IQCH: variants seen among roughly 807,000 people sequenced by gnomAD.
The protein encoded by IQCH is IQ domain-containing protein H.
A neutral mutation model predicts 117.0 loss-of-function variants in IQCH; 98 were observed. The ratio of observed to expected loss-of-function variants is 0.84; its 90% CI spans 0.71 to 0.99. IQCH has a LOEUF of 0.99. Ranked by LOEUF, IQCH falls within the 50% of genes least tolerant of loss-of-function variation. The pLI is 0.00. For missense variants in IQCH, 1,102 were observed against 1,243.8 expected, an observed-to-expected ratio of 0.89 and a Z score of 1.72; for synonymous variants, 412 against 448.2, an observed-to-expected ratio of 0.92 and a Z score of 1.02.
intron 4 of IQCH, among the ~76,000 whole-genome samples, chr15:67,316,919 T>C (rs1050252625): frequency 1.3e-5 from 2 of 152,174 alleles, no homozygotes; most frequent in African/African-American, 4.8e-5. Context: ...ATTGCTTTCT[T>C]AATGACCAAG....
chr15:67,384,821 C>T lies in IQCH; in HGVS notation c.1373-115C>T. On this transcript the variant is annotated intron_variant, in intron 10 of 20. Transcript: ENST00000335894. The surrounding 1 kb of genome is among the most constrained non-coding windows in gnomAD (Gnocchi z 4.3). The stretch of plus-strand genomic sequence containing the variant: ...GGGATTGGGTTGTTTCTGTAAGATG[C>T]TTCAGAGAAAATTTTTTCCTGGAAA... 1.5e-6 allele frequency: 1 copy of T among 689,298 alleles called. No homozygotes were observed. The allele number at this position is 689,298 out of a possible 1,614,324, so 42.7% of individuals were successfully genotyped here. A position where few individuals can be genotyped will look rare whatever the true frequency, so the allele number is the denominator to read the frequency against.
At chr15:67,492,389 T>C (rs970103120) in intron 19 of IQCH, among the ~76,000 whole-genome samples, 11 of 151,998 alleles carry the variant, frequency 7.2e-5, no homozygotes, top group Non-Finnish European at 1.3e-4. Context: ...CTTTTGTACA[T>C]AGGATGAGGC....
At chr15:67,486,065 G>A (rs1189400865) in intron 18 of IQCH, among the ~76,000 whole-genome samples, 3 of 105,530 alleles carry the variant, frequency 2.8e-5, no homozygotes, top group Non-Finnish European at 5.4e-5. Flanking sequence ...TTTTGAGATA[G>A]AGTCTTGCAC....
At chr15:67,350,040 A>C (rs1313777789) in intron 6 of IQCH, among the ~76,000 whole-genome samples, 1 of 152,236 alleles carries the variant, frequency 6.6e-6, no homozygotes, top group East Asian at 1.9e-4. Flanking sequence ...CCCAAGATAA[A>C]TGAAAACATA....
chr15:67,279,070 T>G (rs940574641), intron 3 of IQCH, among the ~76,000 whole-genome samples: 11 of 152,188 alleles, frequency 7.2e-5, no homozygotes, highest in Admixed American at 3.9e-4. Flanking sequence ...TTAAACAAAA[T>G]ACAACATTAT....
At chr15:67,419,477 G>A (rs2081667931) in intron 15 of IQCH, among the ~76,000 whole-genome samples, 1 of 152,116 alleles carries the variant, frequency 6.6e-6, no homozygotes, top group African/African-American at 2.4e-5. Context: ...TCTCTCCAGT[G>A]TGCTTATGGC....
At chr15:67,347,971 G>A (rs1969482663) in intron 6 of IQCH, among the ~76,000 whole-genome samples, 2 of 150,592 alleles carry the variant, frequency 1.3e-5, no homozygotes, top group South Asian at 4.2e-4. Flanking sequence ...ATGCAAGGCT[G>A]TTTCAACATT....
chr15:67,327,857 C>T (rs1444927956), intron 4 of IQCH, among the ~76,000 whole-genome samples: 3 of 152,250 alleles, frequency 2.0e-5, no homozygotes, highest in African/African-American at 7.2e-5. Flanking sequence ...TTTGGAATCT[C>T]CTGTCCTTCT....
intron 4 of IQCH, 92 bp from the exon 5 acceptor site, chr15:67,336,883 A>C (rs1411936709): frequency 6.4e-6 from 8 of 1,248,896 alleles, no homozygotes; most frequent in Non-Finnish European, 9.0e-6. Context: ...AACTTAATGC[A>C]ACTATTCATA....
chr15:67,427,962 G>A lies in IQCH; in HGVS notation c.2505+6385G>A, dbSNP rs1454901616. Among the ~76,000 whole-genome samples, 1 of 151,848 alleles carries A rather than the reference G, an allele frequency of 6.6e-6. No individual in the cohort carries two copies. The highest frequency in any genetic ancestry group is 1.5e-5 in the Non-Finnish European group (1 of 68,004). ...TTGTGCCTTAGCCTCCTGAGTAGCT[G>A]GGATTACAGGCACACACCACACCTG... On this transcript the variant is annotated intron_variant, in intron 16 of 20. Coordinates refer to ENST00000335894, the MANE Select transcript of IQCH (RefSeq NM_001031715.3). The surrounding 1 kb of genome is among the most constrained non-coding windows in gnomAD (Gnocchi z 4.7).
intron 8 of IQCH, among the ~76,000 whole-genome samples, chr15:67,368,038 CAT>C (rs1970397441): frequency 6.6e-6 from 1 of 152,158 alleles, no homozygotes; most frequent in Non-Finnish European, 1.5e-5. Flanking sequence ...GTTCTTGACA[CAT>C]ACTGTAATCA....
intron 4 of IQCH, among the ~76,000 whole-genome samples, chr15:67,302,570 T>G (rs777229289): frequency 6.6e-6 from 1 of 152,052 alleles, no homozygotes; most frequent in African/African-American, 2.4e-5. Context: ...GTTTAAGAAA[T>G]GCTATTGGTC....
intron 4 of IQCH, chr15:67,306,757 C>CA: frequency 3.0e-6 from 3 of 985,186 alleles, no homozygotes; most frequent in Middle Eastern, 2.0e-4. Context: ...AAGTGAGACT[C>CA]ACTGGTGATT....
chr15:67,439,921 GAAACTA>G, intron 16 of IQCH, among the ~76,000 whole-genome samples: 1 of 148,046 alleles, frequency 6.8e-6, no homozygotes, highest in Non-Finnish European at 1.5e-5. Context: ...AACGATAAAT[GAAACTA>G]AAACTGGTTC....
chr15:67,494,834 A>G lies in IQCH; in HGVS notation c.2970+468A>G, dbSNP rs561290291. 4.6e-4 allele frequency among the ~76,000 whole-genome samples: 70 copies of G among 152,286 alleles called. No homozygotes were observed. The highest frequency in any genetic ancestry group is 1.6e-3 in the African/African-American group (68 of 41,562). Reference sequence around the variant, plus strand: ...GGGAGAAGCAGAAAATATAGCATGTATGTGGGCCATCTACCCCACCCGTTT... The same window carrying G: ...GGGAGAAGCAGAAAATATAGCATGTGTGTGGGCCATCTACCCCACCCGTTT... On this transcript the variant is annotated intron_variant, in intron 20 of 20. Coordinates refer to ENST00000335894, the MANE Select transcript of IQCH (RefSeq NM_001031715.3). This position sits in a 1 kb window ranked among gnomAD's most constrained non-coding sequence, Gnocchi z 5.5.
At chr15:67,442,576 T>C (rs1596384831) in intron 16 of IQCH, among the ~76,000 whole-genome samples, 1 of 152,162 alleles carries the variant, frequency 6.6e-6, no homozygotes, top group Non-Finnish European at 1.5e-5. Context: ...TCTACACTGC[T>C]GGTGGGAATG....
rs1307730678 is a variant in IQCH at position 67,421,426 on chromosome 15, C to T, written c.2354C>T (p.Ser785Phe). 1 of 1,614,218 alleles carries T rather than the reference C, an allele frequency of 6.2e-7. No homozygotes were observed. The highest frequency in any genetic ancestry group is 1.3e-5 in the African/African-American group (1 of 75,068). ...CATGCTGAAAGCCCCTTCATCTCCT[C>T]TGGTACCACCGTGCCTCAGACCTCA... ...QLHAESPFIS[S>F]GTTVPQTSVD... The change falls in exon 16 of 21, where the codon TCT becomes TTT. Residue 785 changes from serine to phenylalanine, a missense_variant. Around this residue, in one of 2 missense-constraint regions of IQCH, gnomAD observed 650 missense variants for 794.3 expected, o/e 0.82. Transcript: ENST00000335894.
chr15:67,493,224 T>G lies in IQCH; in HGVS notation c.2862-1034T>G, dbSNP rs961129303. On this transcript the variant is annotated intron_variant, in intron 19 of 20. Coordinates refer to ENST00000335894, the MANE Select transcript of IQCH (RefSeq NM_001031715.3). This position sits in a 1 kb window ranked among gnomAD's most constrained non-coding sequence, Gnocchi z 5.1. ...CAGAATGTTAGAACAGGGAAGGGCC[T>G]CAGAATTAACTGATCCTCATAGATG... Among the ~76,000 whole-genome samples, 4 of 152,168 alleles carry G rather than the reference T, an allele frequency of 2.6e-5. No individual in the cohort carries two copies. Among genetic ancestry groups the G allele is most frequent in the African/African-American group, 9.7e-5 (4 of 41,440 alleles).
chr15:67,414,276 G>C (rs1038937476), intron 14 of IQCH, among the ~76,000 whole-genome samples: 4 of 152,154 alleles, frequency 2.6e-5, no homozygotes, highest in Non-Finnish European at 5.9e-5. Flanking sequence ...CCCTGTGCTG[G>C]GCACTGGGAG....
Sources: allele counts gnomAD v4.1 joint callset (sites outside exome capture counted in the v4.1 genomes callset), GRCh38; gene constraint gnomAD v4.1.1; regional missense constraint gnomAD v4.1.1; non-coding constraint Gnocchi (gnomAD v3.1); transcripts MANE v1.5; gene names NCBI Gene and HGNC (gene_info 2026-07-23, HGNC 2026-07-21).